The following ROR1 variants were observed in gnomAD, a reference collection of about 807,000 sequenced individuals.
ROR1 encodes ROR family WNT receptor 1, also known as inactive tyrosine-protein kinase transmembrane receptor ROR1.
Under a neutral mutation model 78.8 loss-of-function variants are expected in ROR1, and 19 were observed. That is an observed-to-expected ratio of 0.24 (90% CI 0.17 to 0.35). The LOEUF (loss-of-function observed/expected upper bound fraction) is 0.35. Among genes scored for constraint, ROR1 ranks in the 10% least tolerant of loss-of-function variants. The probability of loss-of-function intolerance (pLI) is 1.00; values close to 1 mark genes in which losing one functional copy is unlikely to be tolerated. For synonymous variants in ROR1, 386 were observed against 433.6 expected (o/e 0.89, Z 1.36); for missense variants, 917 against 1,177.8 (o/e 0.78, Z 3.24).
At chr1:63,853,488 G>A (rs1264221953) in intron 1 of ROR1, among the ~76,000 whole-genome samples, 1 of 152,098 alleles carries the variant, frequency 6.6e-6, no homozygotes, top group Non-Finnish European at 1.5e-5. Context: ...TTGGATTTTT[G>A]GATTAGGAAT....
intron 1 of ROR1, among the ~76,000 whole-genome samples, chr1:63,890,594 A>G (rs1645387290): frequency 1.3e-5 from 2 of 151,946 alleles, no homozygotes; most frequent in Non-Finnish European, 2.9e-5. Context: ...CTGGTTAGGG[A>G]GTACTGAAAG....
At chr1:64,002,052 T>C (rs1646387893) in intron 1 of ROR1, among the ~76,000 whole-genome samples, 1 of 152,080 alleles carries the variant, frequency 6.6e-6, no homozygotes, top group African/African-American at 2.4e-5. Context: ...TCACGCTGTT[T>C]ATAATTGCCT....
At chr1:64,154,534 A>G (rs1649715313) in intron 7 of ROR1, among the ~76,000 whole-genome samples, 1 of 152,220 alleles carries the variant, frequency 6.6e-6, no homozygotes, top group South Asian at 2.1e-4. Flanking sequence ...TCACTTTATT[A>G]AAAGTACCTC....
chr1:63,908,284 A>G (rs535124125), intron 1 of ROR1, among the ~76,000 whole-genome samples: 1 of 152,310 alleles, frequency 6.6e-6, no homozygotes, highest in South Asian at 2.1e-4. Context: ...TTTATGAATG[A>G]GGAGTGACAA....
intron 1 of ROR1, chr1:63,789,347 C>G (rs1187361770): frequency 1.9e-5 from 8 of 413,838 alleles, no homozygotes; most frequent in Non-Finnish European, 3.2e-5. Context: ...CTAATATTGA[C>G]TTGATTCCTC....
In ROR1 at chr1:63,919,298, G is replaced by A. The variant is rs531217943; in HGVS notation, c.92-90007G>A. ...TTAAGGACCAAAAAGAGCCAATGCC[G>A]ATGAATGCCCTCTTTCTTCAGCTGT... On this transcript the variant is annotated intron_variant, in intron 1 of 8. Transcript: ENST00000371079. 2.7e-4 allele frequency among the ~76,000 whole-genome samples: 41 copies of A among 152,226 alleles called. No individual in the cohort carries two copies. In the South Asian group the frequency reaches 6.8e-3, roughly 25 times the overall value.
At chr1:64,016,769 A>G (rs2100551922) in intron 2 of ROR1, among the ~76,000 whole-genome samples, 1 of 148,588 alleles carries the variant, frequency 6.7e-6, no homozygotes, top group African/African-American at 2.4e-5. Context: ...TGTGTAAGGG[A>G]TTATCATTAC....
intron 1 of ROR1, among the ~76,000 whole-genome samples, chr1:63,916,773 C>T (rs1022618045): frequency 2.6e-5 from 4 of 152,158 alleles, no homozygotes; most frequent in Admixed American, 2.6e-4. Context: ...GCCCAGGGTG[C>T]CAGTGATCTC....
At chr1:64,137,588 A>G (rs1290589485) in intron 5 of ROR1, 92 bp downstream of exon 5, 2 of 1,296,974 alleles carry the variant, frequency 1.5e-6, no homozygotes, top group Non-Finnish European at 2.2e-6. Flanking sequence ...CAAAGGATTA[A>G]GCTCAGCATG....
intron 4 of ROR1, among the ~76,000 whole-genome samples, chr1:64,121,443 G>A (rs1357901168): frequency 2.6e-5 from 4 of 152,072 alleles, no homozygotes; most frequent in Non-Finnish European, 5.9e-5. Flanking sequence ...GATCTTGATG[G>A]ACAACTAGAA....
At chr1:63,893,436 T>C (rs1341633557) in intron 1 of ROR1, among the ~76,000 whole-genome samples, 1 of 152,124 alleles carries the variant, frequency 6.6e-6, no homozygotes, top group Non-Finnish European at 1.5e-5. Flanking sequence ...ATTCATTAAA[T>C]TTGGCCTTGA....
intron 8 of ROR1, among the ~76,000 whole-genome samples, chr1:64,176,950 A>C (rs1650399466): frequency 1.3e-5 from 2 of 152,368 alleles, no homozygotes; most frequent in South Asian, 4.1e-4. Flanking sequence ...AGAAGTAGCA[A>C]GGGATCATGT....
intron 1 of ROR1, among the ~76,000 whole-genome samples, chr1:63,907,137 T>C (rs1300803901): frequency 6.6e-6 from 1 of 152,174 alleles, no homozygotes; most frequent in Admixed American, 6.5e-5. Flanking sequence ...CCCAGATACT[T>C]TGGGTCTCAT....
chr1:64,023,515 A>G (rs932315761), intron 2 of ROR1, among the ~76,000 whole-genome samples: 1 of 152,104 alleles, frequency 6.6e-6, no homozygotes, highest in East Asian at 1.9e-4. Flanking sequence ...TTATCCTTAA[A>G]TAATTTTCTT....
intron 1 of ROR1, among the ~76,000 whole-genome samples, chr1:63,818,324 A>G (rs1197199819): frequency 6.6e-6 from 1 of 152,238 alleles, no homozygotes; most frequent in Non-Finnish European, 1.5e-5. Context: ...GAGGCCCTTC[A>G]GTGTTGGCTC....
rs1452928534 is a variant in ROR1 at position 63,774,746 on chromosome 1, C to T, written c.91+238C>T. 6.6e-6 allele frequency among the ~76,000 whole-genome samples: 1 copy of T among 151,754 alleles called. No homozygotes were observed. Among genetic ancestry groups the T allele is most frequent in the Non-Finnish European group, 1.5e-5 (1 of 67,866 alleles). ...GGGGCGCGCCCAGGGACTCGTTCCTCGGTGCGCAGCAGCGATTGTCAGCGC... is the reference window on the plus strand; with the variant it reads ...GGGGCGCGCCCAGGGACTCGTTCCTTGGTGCGCAGCAGCGATTGTCAGCGC... On this transcript the variant is annotated intron_variant, in intron 1 of 8. Transcript: ENST00000371079. This position sits in a 1 kb window ranked among gnomAD's most constrained non-coding sequence, Gnocchi z 5.7.
At chr1:64,067,857 C>T (rs1194953782) in intron 4 of ROR1, among the ~76,000 whole-genome samples, 3 of 151,908 alleles carry the variant, frequency 2.0e-5, no homozygotes, top group Non-Finnish European at 4.4e-5. Context: ...GGACTACAGG[C>T]GCCTGCCACC....
chr1:64,030,566 T>A (rs77516815), intron 2 of ROR1, among the ~76,000 whole-genome samples: 3 of 152,226 alleles, frequency 2.0e-5, no homozygotes, highest in African/African-American at 7.2e-5. Flanking sequence ...CATTCCTTCA[T>A]GGAGAAGTAA....
In ROR1 at chr1:63,905,090, GA is replaced by G. The variant is rs755732980; in HGVS notation, c.92-104214del. 3.7e-4 allele frequency among the ~76,000 whole-genome samples: 56 copies of G among 152,268 alleles called. 1 individual carries two copies. Among genetic ancestry groups the G allele is most frequent in the Non-Finnish European group, 3.7e-4 (25 of 68,032 alleles). ...CTCAGCCACACTGCTTCAGAGGCAA[GA>G]GAGTAGTGGAGGGGAGTTTGTCTTA... On this transcript the variant is annotated intron_variant, in intron 1 of 8. Coordinates refer to ENST00000371079, the MANE Select transcript of ROR1 (RefSeq NM_005012.4).
Sources: gnomAD v4.1 joint callset for allele counts (sites outside exome capture counted in the v4.1 genomes callset) on GRCh38, gnomAD v4.1.1 for gene constraint, Gnocchi (gnomAD v3.1) non-coding constraint, MANE v1.5 for transcripts, NCBI Gene and HGNC (gene_info 2026-07-23, HGNC 2026-07-21) for gene names.